The following CRADD variants were observed in gnomAD, a reference collection of about 807,000 sequenced individuals.
CRADD encodes death domain-containing protein CRADD.
CRADD carries 9 observed loss-of-function variants against 15.5 expected under a neutral mutation model. The ratio of observed to expected loss-of-function variants is 0.58; its 90% CI spans 0.35 to 1.01. CRADD has a LOEUF of 1.01. CRADD is among the 50% of genes least tolerant of loss of function. The pLI is 0.02. For missense variants in CRADD, 227 were observed against 250.3 expected (o/e 0.91, Z 0.63); for synonymous variants, 118 against 107.6 (o/e 1.10, Z -0.60).
At chr12:93,779,381 G>A (rs1295041843) in intron 2 of CRADD, among the ~76,000 whole-genome samples, 1 of 152,020 alleles carries the variant, frequency 6.6e-6, no homozygotes, top group Non-Finnish European at 1.5e-5. Flanking sequence ...AGAAAGAAAA[G>A]TTGGACATAA....
chr12:93,891,172 C>T (rs1311776089), intron 2 of CRADD, among the ~76,000 whole-genome samples: 1 of 152,140 alleles, frequency 6.6e-6, no homozygotes, highest in Non-Finnish European at 1.5e-5. Flanking sequence ...TGTCACAGGC[C>T]TCTCTCATAT....
At chr12:93,699,661 C>G (rs1271992992) in intron 2 of CRADD, among the ~76,000 whole-genome samples, 1 of 152,124 alleles carries the variant, frequency 6.6e-6, no homozygotes, top group Non-Finnish European at 1.5e-5. Context: ...TAATGCTACG[C>G]CAGGGTATGA....
chr12:93,731,932 T>C (rs1565892519), intron 2 of CRADD, among the ~76,000 whole-genome samples: 1 of 151,406 alleles, frequency 6.6e-6, no homozygotes, highest in Non-Finnish European at 1.5e-5. Flanking sequence ...AGGTCGGGAG[T>C]TCGAGACCAG....
intron 2 of CRADD, among the ~76,000 whole-genome samples, chr12:93,871,497 T>C (rs778934231): frequency 6.6e-6 from 1 of 152,126 alleles, no homozygotes; most frequent in East Asian, 1.9e-4. Context: ...AAATAGTAGG[T>C]CTTATTCATT....
downstream of CRADD, among the ~76,000 whole-genome samples, chr12:93,854,027 C>T (rs549862698): frequency 3.9e-5 from 6 of 152,262 alleles, no homozygotes; most frequent in African/African-American, 1.4e-4. Context: ...GTTTGTTTAG[C>T]GCCAAACATA....
At chr12:93,799,374 C>T (rs1957453761) in intron 2 of CRADD, among the ~76,000 whole-genome samples, 4 of 152,176 alleles carry the variant, frequency 2.6e-5, no homozygotes, top group Non-Finnish European at 5.9e-5. Context: ...ACCCAGCACA[C>T]ACACACATGT....
intron 2 of CRADD, among the ~76,000 whole-genome samples, chr12:93,860,557 G>T (rs7132750): frequency 0.22 from 33,176 of 152,048 alleles, 3,892 homozygotes; most frequent in East Asian, 0.45. Context: ...TAGTACTGTT[G>T]CCAAAAGGTC....
chr12:93,764,456 C>T (rs779704024), intron 2 of CRADD, among the ~76,000 whole-genome samples: 2 of 152,050 alleles, frequency 1.3e-5, no homozygotes, highest in African/African-American at 2.4e-5. Context: ...TGGTTGGTGG[C>T]GCTTTTTGGT....
intron 2 of CRADD, among the ~76,000 whole-genome samples, chr12:93,681,111 C>T (rs941772180): frequency 4.6e-5 from 7 of 151,882 alleles, no homozygotes; most frequent in Admixed American, 2.6e-4. Flanking sequence ...CTTAAACTCC[C>T]GACCTCAGGT....
intron 2 of CRADD, among the ~76,000 whole-genome samples, chr12:93,856,012 T>C (rs1427977843): frequency 1.3e-5 from 2 of 152,170 alleles, no homozygotes; most frequent in Non-Finnish European, 2.9e-5. Context: ...TTCGCCATAC[T>C]GGCCAGGATG....
At chr12:93,683,957 G>T (rs1256410281) in intron 2 of CRADD, among the ~76,000 whole-genome samples, 1 of 152,160 alleles carries the variant, frequency 6.6e-6, no homozygotes, top group Non-Finnish European at 1.5e-5. Context: ...TTTGCCTAGT[G>T]GCGTCCTGTG....
At chr12:93,756,762 A>T (rs1956894836) in intron 2 of CRADD, among the ~76,000 whole-genome samples, 1 of 152,246 alleles carries the variant, frequency 6.6e-6, no homozygotes, top group Middle Eastern at 3.2e-3. Flanking sequence ...AGAACATGCC[A>T]TGTAGGCACA....
intron 2 of CRADD, among the ~76,000 whole-genome samples, chr12:93,877,461 A>G (rs750592557): frequency 3.3e-5 from 5 of 152,226 alleles, no homozygotes; most frequent in Non-Finnish European, 4.4e-5. Flanking sequence ...GGTGCTGTAC[A>G]GGAGTCAGGG....
chr12:93,743,695 T>C (rs1956712588), intron 2 of CRADD, among the ~76,000 whole-genome samples: 1 of 152,230 alleles, frequency 6.6e-6, no homozygotes, highest in South Asian at 2.1e-4. Context: ...GAGTGTTCTC[T>C]TCTTATATTC....
intron 2 of CRADD, among the ~76,000 whole-genome samples, chr12:93,821,397 G>A (rs1450701446): frequency 6.6e-6 from 1 of 152,180 alleles, no homozygotes; most frequent in Non-Finnish European, 1.5e-5. Context: ...TGGCACATCG[G>A]TCTCTAGGTC....
chr12:93,803,667 GAAAC>G (rs927011501), intron 2 of CRADD, among the ~76,000 whole-genome samples: 1 of 151,528 alleles, frequency 6.6e-6, no homozygotes, highest in Admixed American at 6.8e-5. Context: ...AAATGGAAAA[GAAAC>G]AAAACAAAAC....
intron 2 of CRADD, among the ~76,000 whole-genome samples, chr12:93,720,328 T>C (rs963404125): frequency 1.3e-5 from 2 of 152,166 alleles, no homozygotes; most frequent in South Asian, 4.1e-4. Context: ...TTTATTAGAG[T>C]GTGTTTTATG....
intron 2 of CRADD, among the ~76,000 whole-genome samples, chr12:93,750,938 C>A (rs934806412): frequency 1.3e-5 from 2 of 152,168 alleles, no homozygotes; most frequent in African/African-American, 2.4e-5. Context: ...CTCAGAGGGA[C>A]TCTGTCTTTG....
intron 2 of CRADD, chr12:93,849,476 C>T (rs1375773327): frequency 6.5e-6 from 1 of 154,164 alleles, no homozygotes; most frequent in Non-Finnish European, 1.4e-5. Context: ...TGCTGTGGCT[C>T]ACGCCTGTAA....
Sources: gnomAD v4.1 joint callset for allele counts (sites outside exome capture counted in the v4.1 genomes callset) on GRCh38, gnomAD v4.1.1 for gene constraint, MANE v1.5 for transcripts, NCBI Gene and HGNC (gene_info 2026-07-23, HGNC 2026-07-21) for gene names.